Variants in LANCL2 observed in about 807,000 individuals in gnomAD.
LANCL2 encodes the protein lanC-like protein 2.
A neutral mutation model predicts 56.9 loss-of-function variants in LANCL2; 33 were observed. That is an observed-to-expected ratio of 0.58 (90% CI 0.44 to 0.78). The LOEUF (loss-of-function observed/expected upper bound fraction) is 0.78, where lower values mean the gene tolerates loss of function less well. Ranked by LOEUF, LANCL2 falls within the 30% of genes least tolerant of loss-of-function variation. The pLI is 0.00. For synonymous variants in LANCL2, 233 were observed against 228.2 expected (o/e 1.02, Z -0.19); for missense variants, 562 against 580.2 (o/e 0.97, Z 0.32).
chr7:55,371,698 G>GA lies in LANCL2; in HGVS notation c.204+5476dup, dbSNP rs1789945416. On this transcript the variant is annotated intron_variant, in intron 1 of 8. Transcript: ENST00000254770. ...AAAGGACTTTACAACTTTTTCCACAGAAAAAAATCAGGAAAACTTGTCTGT... is the reference window on the plus strand; with the variant it reads ...AAAGGACTTTACAACTTTTTCCACAGAAAAAAAATCAGGAAAACTTGTCTGT... Among the ~76,000 whole-genome samples the GA allele has an allele frequency of 4.6e-5, 7 of 152,084 alleles. No homozygotes were observed. The South Asian group carries it at 1.2e-3, about 27-fold the overall frequency.
chr7:55,427,100 A>C (rs1790672233), intron 7 of LANCL2, among the ~76,000 whole-genome samples: 1 of 152,136 alleles, frequency 6.6e-6, no homozygotes, highest in African/African-American at 2.4e-5. Context: ...TTGGGATGCA[A>C]AGGGAAGGAA....
At chr7:55,379,461 G>A (rs561249410) in intron 1 of LANCL2, among the ~76,000 whole-genome samples, 2 of 152,164 alleles carry the variant, frequency 1.3e-5, no homozygotes, top group Non-Finnish European at 2.9e-5. Flanking sequence ...AAAATCAAGT[G>A]TCTCTTCTGG....
At chr7:55,395,413 T>C (rs1790239242) in intron 2 of LANCL2, among the ~76,000 whole-genome samples, 1 of 151,784 alleles carries the variant, frequency 6.6e-6, no homozygotes, top group Non-Finnish European at 1.5e-5. Context: ...TAAGAGCATG[T>C]GAAATAAGAA....
intron 1 of LANCL2, among the ~76,000 whole-genome samples, chr7:55,383,976 T>A (rs954426269): frequency 1.4e-4 from 21 of 152,246 alleles, no homozygotes; most frequent in African/African-American, 4.3e-4. Context: ...TCATGATTTT[T>A]TCACTGTTAT....
chr7:55,392,060 A>G, intron 2 of LANCL2, 150 bp downstream of exon 2: 1 of 476,142 alleles, frequency 2.1e-6, no homozygotes, highest in Non-Finnish European at 3.8e-6. Flanking sequence ...TTGGAGGCCG[A>G]GGCAGGTGGA....
chr7:55,376,488 G>C (rs542788707), intron 1 of LANCL2, among the ~76,000 whole-genome samples: 1 of 152,084 alleles, frequency 6.6e-6, no homozygotes, highest in Admixed American at 6.5e-5. Flanking sequence ...TCAAAGAAAG[G>C]GTCTCCTAGG....
chr7:55,413,859 A>G (rs1044960879), intron 6 of LANCL2, among the ~76,000 whole-genome samples: 2 of 152,252 alleles, frequency 1.3e-5, no homozygotes, highest in African/African-American at 4.8e-5. Flanking sequence ...GAGGAGGAAT[A>G]TCAGAATCTT....
At chr7:55,393,910 G>A (rs1485236096) in intron 2 of LANCL2, among the ~76,000 whole-genome samples, 4 of 152,150 alleles carry the variant, frequency 2.6e-5, no homozygotes, top group African/African-American at 9.7e-5. Flanking sequence ...TATTTTGGAA[G>A]GAAAATAACA....
rs1198365410 is a variant in LANCL2, at chr7:55,412,002, A to G, written c.921A>G (p.Pro307=). 6.2e-7 allele frequency: 1 copy of G among 1,614,134 alleles called. No homozygotes were observed. Among genetic ancestry groups the G allele is most frequent in the Non-Finnish European group, 8.5e-7 (1 of 1,180,036 alleles). ...RHKKFRSGNY[P]SSLSNETDRL... ...AAAAATTCCGATCTGGGAATTACCC[A>G]TCATCATTAAGCAATGAAACAGACC... is the stretch of plus-strand genomic sequence containing the variant. Residue 307 remains proline (P), a synonymous_variant, in exon 6 of 9, where the codon CCA becomes CCG. Transcript: ENST00000254770.
intron 6 of LANCL2, among the ~76,000 whole-genome samples, chr7:55,422,871 T>C (rs1468714365): frequency 2.0e-5 from 3 of 152,212 alleles, no homozygotes; most frequent in Non-Finnish European, 4.4e-5. Flanking sequence ...CCCTTGTCCC[T>C]ATTTCTGACG....
At chr7:55,422,250 G>T (rs1790616667) in intron 6 of LANCL2, among the ~76,000 whole-genome samples, 1 of 152,044 alleles carries the variant, frequency 6.6e-6, no homozygotes, top group Non-Finnish European at 1.5e-5. Flanking sequence ...TCTTAAATTT[G>T]TTTTTATTTC....
rs1305495106 is a variant in LANCL2 at position 55,399,280 on chromosome 7, A to G, written c.530+650A>G. Among the ~76,000 whole-genome samples the G allele has an allele frequency of 8.3e-5, 3 of 36,064 alleles. No individual in the cohort carries two copies. The African/African-American group carries it at 8.4e-4, about 10-fold the overall frequency. The allele number at this position is 36,064 out of a possible 152,430, so 23.7% of individuals were successfully genotyped here. A position where few individuals can be genotyped will look rare whatever the true frequency, so the allele number is the denominator to read the frequency against. On this transcript the variant is annotated intron_variant, in intron 3 of 8. Transcript: ENST00000254770. ...AGAGCAAGACCCTGTCTCTAAAGAA[A>G]AAGAAAGAAAAAAAAAAAGACAGAA...
At chr7:55,396,423 G>A (rs959777169) in intron 2 of LANCL2, among the ~76,000 whole-genome samples, 1 of 152,258 alleles carries the variant, frequency 6.6e-6, no homozygotes, top group African/African-American at 2.4e-5. Flanking sequence ...CCTACCCGGA[G>A]CAAGGGAGAT....
At chr7:55,390,582 G>T (rs1790176022) in intron 1 of LANCL2, among the ~76,000 whole-genome samples, 1 of 151,700 alleles carries the variant, frequency 6.6e-6, no homozygotes, top group African/African-American at 2.4e-5. Context: ...CTCCAGCCTG[G>T]GTGACGAGCG....
At position 55,366,359 on chromosome 7, in the gene LANCL2, C is replaced by G; in HGVS notation, c.204+130C>G. On this transcript the variant is annotated intron_variant, in intron 1 of 8. Coordinates refer to ENST00000254770, the MANE Select transcript of LANCL2 (RefSeq NM_018697.4). ...GGGCGCGGGATGATAGCGCCTAGCA[C>G]CTGTCTCCGGGCCTTCCCGATGAGC... 3 of 753,638 alleles carry G rather than the reference C, an allele frequency of 4.0e-6. No individual in the cohort carries two copies. In the South Asian group the frequency reaches 6.4e-5, roughly 16 times the overall value. 46.7% of individuals were successfully genotyped at this position (753,638 alleles called of 1,614,324 possible). A position where few individuals can be genotyped will look rare whatever the true frequency, so the allele number is the denominator to read the frequency against.
chr7:55,372,435 A>C (rs1789953592), intron 1 of LANCL2, among the ~76,000 whole-genome samples: 1 of 139,194 alleles, frequency 7.2e-6, no homozygotes, highest in African/African-American at 2.5e-5. Flanking sequence ...TAAATGGTTA[A>C]ATTGAAAGGC....
At position 55,413,667 on chromosome 7, in the gene LANCL2, G is replaced by C. The variant is rs557308373; in HGVS notation, c.1008+1578G>C. On this transcript the variant is annotated intron_variant, in intron 6 of 8. Coordinates refer to ENST00000254770, the MANE Select transcript of LANCL2 (RefSeq NM_018697.4). ...CCACTGACGGGCTGCAGGTGGCTGCGGCCAGCTCCTCCTGGCAGGGCTTCT... is the reference window on the plus strand; with the variant it reads ...CCACTGACGGGCTGCAGGTGGCTGCCGCCAGCTCCTCCTGGCAGGGCTTCT... Among the ~76,000 whole-genome samples, 20 of 152,320 alleles carry C rather than the reference G, an allele frequency of 1.3e-4. 1 individual carries two copies. In the South Asian group the frequency reaches 4.2e-3, roughly 32 times the overall value.
rs1186105816 is a variant in LANCL2, at chr7:55,431,369, G to C, written c.*49G>C. The C allele has an allele frequency of 1.5e-6, 2 of 1,315,134 alleles. No individual in the cohort carries two copies. Among genetic ancestry groups the C allele is most frequent in the Non-Finnish European group, 2.2e-6 (2 of 923,846 alleles). The allele number at this position is 1,315,134 out of a possible 1,614,324, so 81.5% of individuals were successfully genotyped here. A position where few individuals can be genotyped will look rare whatever the true frequency, so the allele number is the denominator to read the frequency against. On this transcript the variant is annotated 3_prime_UTR_variant, in exon 9 of 9. Transcript: ENST00000254770. ...TACCCATTTGGACCAAAAGCCACCA[G>C]ATTGCTTAGTGCCTGACACAGAAAC...
At position 55,401,171 on chromosome 7, in the gene LANCL2, TA is replaced by T. The variant is rs1367615414; in HGVS notation, c.679-2del. 6.2e-7 allele frequency: 1 copy of T among 1,613,514 alleles called. No homozygotes were observed. Among genetic ancestry groups the T allele is most frequent in the African/African-American group, 1.3e-5 (1 of 74,894 alleles). On this transcript the variant is annotated splice_acceptor_variant, in intron 4 of 8. Coordinates refer to ENST00000254770, the MANE Select transcript of LANCL2 (RefSeq NM_018697.4). LOFTEE classifies it high-confidence loss of function. ...GATTTATGCTGTCTTGTTATCTCTGTAGGTAGTCAATGCTATTATTGAATCG... is the reference window on the plus strand; with the variant it reads ...GATTTATGCTGTCTTGTTATCTCTGTGGTAGTCAATGCTATTATTGAATCG...
Sources: allele counts gnomAD v4.1 joint callset (sites outside exome capture counted in the v4.1 genomes callset), GRCh38; gene constraint gnomAD v4.1.1; transcripts MANE v1.5; gene names NCBI Gene and HGNC (gene_info 2026-07-23, HGNC 2026-07-21).